The following ACACA variants were observed in gnomAD, a reference collection of about 807,000 sequenced individuals.
The protein encoded by ACACA is acetyl-CoA carboxylase 1.
A neutral mutation model predicts 296.1 loss-of-function variants in ACACA; 103 were observed. The ratio of observed to expected loss-of-function variants is 0.35; its 90% CI spans 0.30 to 0.41. The LOEUF (loss-of-function observed/expected upper bound fraction) is 0.41, where lower values mean the gene tolerates loss of function less well. ACACA is among the 10% of genes least tolerant of loss of function. ACACA has a pLI of 1.00. For synonymous variants in ACACA, 953 were observed against 1,038.6 expected (o/e 0.92, Z 1.58); for missense variants, 1,554 against 2,989.7 (o/e 0.52, Z 11.20).
intron 24 of ACACA, among the ~76,000 whole-genome samples, chr17:37,238,551 G>A (rs1269167902): frequency 1.3e-5 from 2 of 152,022 alleles, no homozygotes; most frequent in African/African-American, 4.8e-5. Context: ...TTCTTTGGAA[G>A]TATCTTGGTT....
At chr17:37,142,534 A>G (rs1051854943) in intron 45 of ACACA, among the ~76,000 whole-genome samples, 5 of 152,264 alleles carry the variant, frequency 3.3e-5, no homozygotes, top group Admixed American at 2.6e-4. Flanking sequence ...AGGATTACTC[A>G]GAAAGGAAGC....
rs768476920 is a variant in ACACA, at chr17:37,248,728, A to G, written c.2082-54T>C. On this transcript the variant is annotated intron_variant, in intron 16 of 55. Transcript: ENST00000616317. ...TACAAAGTTCTAACAGTTATAAGAG[A>G]ATCTAAAACATTATTGATTGTAGCA... is the stretch of plus-strand genomic sequence containing the variant. 70 of 1,248,966 alleles carry G rather than the reference A, an allele frequency of 5.6e-5. 1 individual carries two copies. The highest frequency in any genetic ancestry group is 3.7e-4 in the Middle Eastern group (2 of 5,346). The allele number at this position is 1,248,966 out of a possible 1,614,324, so 77.4% of individuals were successfully genotyped here.
chr17:37,219,366 A>G (rs2079175965), intron 29 of ACACA, among the ~76,000 whole-genome samples: 1 of 152,154 alleles, frequency 6.6e-6, no homozygotes, highest in East Asian at 1.9e-4. Flanking sequence ...TCCTGACAAT[A>G]AAACTGTAGT....
At chr17:37,326,976 C>T (rs924996891) in intron 3 of ACACA, among the ~76,000 whole-genome samples, 1 of 152,172 alleles carries the variant, frequency 6.6e-6, no homozygotes, top group African/African-American at 2.4e-5. Context: ...CTTCTCAGCA[C>T]CTAAACTTGA....
chr17:37,395,619 A>G (rs570706131), intron 1 of ACACA, among the ~76,000 whole-genome samples: 1 of 149,616 alleles, frequency 6.7e-6, no homozygotes, highest in Non-Finnish European at 1.5e-5. Context: ...ATCTCGGCTC[A>G]CCGCAACCTC....
chr17:37,128,135 G>A (rs1047744437), intron 47 of ACACA, among the ~76,000 whole-genome samples: 109 of 150,994 alleles, frequency 7.2e-4, no homozygotes, highest in African/African-American at 2.6e-3. Flanking sequence ...AACAAGAAGA[G>A]GCACTGAAGA....
chr17:37,112,959 G>A (rs1414963484), intron 51 of ACACA, 129 bp downstream of exon 51: 4 of 1,159,544 alleles, frequency 3.4e-6, no homozygotes, highest in Non-Finnish European at 5.0e-6. Context: ...TGTAATGGAA[G>A]GAAAAAGCTT....
intron 3 of ACACA, among the ~76,000 whole-genome samples, chr17:37,287,893 C>T (rs1473092739): frequency 6.6e-6 from 1 of 152,216 alleles, no homozygotes; most frequent in African/African-American, 2.4e-5. Flanking sequence ...TTCTTAGAGA[C>T]TGACATTTCA....
At chr17:37,193,962 C>T (rs1016801135) in intron 35 of ACACA, among the ~76,000 whole-genome samples, 3 of 152,116 alleles carry the variant, frequency 2.0e-5, no homozygotes, top group Admixed American at 1.3e-4. Context: ...GTCACTACCA[C>T]TATATGTATA....
rs2074890198 is a variant in ACACA, at chr17:37,128,023, T to TAAAAAAAAAAA, written c.5944+1341_5944+1342insTTTTTTTTTTT. ...TGGAGGACAAGAGTGAAACTCCATC[T>TAAAAAAAAAAA]CAAAAAAAAAAAAAAAAAAAAAAAA... On this transcript the variant is annotated intron_variant, in intron 47 of 55. Coordinates refer to ENST00000616317, the MANE Select transcript of ACACA (RefSeq NM_198834.3). Among the ~76,000 whole-genome samples, 64 of 22,556 alleles carry TAAAAAAAAAAA rather than the reference T, an allele frequency of 2.8e-3. 11 individuals carry two copies. The highest frequency in any genetic ancestry group is 6.4e-3 in the East Asian group (7 of 1,092). 14.8% of individuals were successfully genotyped at this position (22,556 alleles called of 152,430 possible). A position where few individuals can be genotyped will look rare whatever the true frequency, so the allele number is the denominator to read the frequency against.
rs776787097 is a variant in ACACA, at chr17:37,243,544, C to T, written c.2758G>A (p.Glu920Lys). The change falls in exon 22 of 56, where the codon GAG becomes AAG. Residue 920 changes from glutamate (E) to lysine (K), a missense_variant. Around this residue, in one of 16 missense-constraint regions of ACACA, gnomAD observed 316 missense variants for 540.9 expected, o/e 0.58. Coordinates refer to ENST00000616317, the MANE Select transcript of ACACA (RefSeq NM_198834.3). ...TCTCTGAGGGTTTTCATCAATCGCT[C>T]TACCCAGTCTTTTACCTAGAAAGAA... ...FFSSKVKDWV[E>K]RLMKTLRDPS... is the part of the protein sequence containing the mutation. 14 of 1,613,970 alleles carry T rather than the reference C, an allele frequency of 8.7e-6. No homozygotes were observed. The highest frequency in any genetic ancestry group is 1.0e-5 in the Non-Finnish European group (12 of 1,179,998).
In ACACA at chr17:37,246,810, C is replaced by T. The variant is rs538718878; in HGVS notation, c.2460+16G>A. 13 of 1,613,334 alleles carry T rather than the reference C, an allele frequency of 8.1e-6. No individual in the cohort carries two copies. In the African/African-American group the frequency reaches 1.2e-4, roughly 15 times the overall value. On this transcript the variant is annotated intron_variant, in intron 19 of 55. Coordinates refer to ENST00000616317, the MANE Select transcript of ACACA (RefSeq NM_198834.3). ...CTTCCCCTCCCATGATCCCACAGTC[C>T]TTTCACCACCCTGACCTCAATCTCA...
chr17:37,197,660 G>A (rs1258263007), intron 35 of ACACA, among the ~76,000 whole-genome samples: 3 of 152,180 alleles, frequency 2.0e-5, no homozygotes, highest in African/African-American at 7.2e-5. Flanking sequence ...CCACGACAGT[G>A]ACCCCCAGAT....
chr17:37,276,952 G>C (rs2082307475), intron 7 of ACACA, 81 bp downstream of exon 7: 1 of 1,237,518 alleles, frequency 8.1e-7, no homozygotes, highest in African/African-American at 1.5e-5. Context: ...ATGTTAAACA[G>C]AAAATCAGAC....
chr17:37,190,905 C>T (rs530231976), intron 38 of ACACA, among the ~76,000 whole-genome samples: 1 of 152,298 alleles, frequency 6.6e-6, no homozygotes, highest in South Asian at 2.1e-4. Flanking sequence ...AACACCAAAA[C>T]CTTCAGTTTT....
rs761520603 is a variant in ACACA, at chr17:37,205,881, C to G, written c.3949-9G>C. 6.9e-6 allele frequency: 11 copies of G among 1,595,494 alleles called. No individual in the cohort carries two copies. Among genetic ancestry groups the G allele is most frequent in the Non-Finnish European group, 7.7e-6 (9 of 1,165,386 alleles). ...GGTTCATCCCTGGGAACCTGTAACT[C>G]AAGAACACAAGTCAAAGAAATTATG... On this transcript the variant is annotated splice_polypyrimidine_tract_variant and intron_variant, in intron 32 of 55. Transcript: ENST00000616317.
At chr17:37,272,349 AT>A (rs2082106979) in intron 9 of ACACA, among the ~76,000 whole-genome samples, 2 of 152,228 alleles carry the variant, frequency 1.3e-5, no homozygotes, top group Non-Finnish European at 2.9e-5. Flanking sequence ...ACCCAAAAAA[AT>A]AAAATAAAAT....
At chr17:37,124,897 G>A (rs1383371841) in intron 48 of ACACA, among the ~76,000 whole-genome samples, 1 of 152,192 alleles carries the variant, frequency 6.6e-6, no homozygotes, top group African/African-American at 2.4e-5. Context: ...TCAACCCAAT[G>A]TGGCATGTTT....
intron 1 of ACACA, among the ~76,000 whole-genome samples, chr17:37,398,103 G>A (rs142654693): frequency 0.057 from 8,667 of 150,750 alleles, 292 homozygotes; most frequent in Middle Eastern, 0.079. Flanking sequence ...GGTGGCGCGC[G>A]CCTGTACTCC....
Sources: gnomAD v4.1 joint callset for allele counts (sites outside exome capture counted in the v4.1 genomes callset) on GRCh38, gnomAD v4.1.1 for gene constraint, gnomAD v4.1.1 regional missense constraint, MANE v1.5 for transcripts, NCBI Gene and HGNC (gene_info 2026-07-23, HGNC 2026-07-21) for gene names.